Variants in NRG3 observed in about 807,000 individuals in gnomAD.
The protein encoded by NRG3 is pro-neuregulin-3, membrane-bound isoform.
A neutral mutation model predicts 66.9 loss-of-function variants in NRG3; 31 were observed. That is an observed-to-expected ratio of 0.46 (90% CI 0.35 to 0.63). The LOEUF (loss-of-function observed/expected upper bound fraction) is 0.63, where lower values mean the gene tolerates loss of function less well. NRG3 is among the 20% of genes least tolerant of loss of function. The pLI is 0.00. For synonymous variants in NRG3, 393 were observed against 359.4 expected, an observed-to-expected ratio of 1.09 and a Z score of -1.06; for missense variants, 910 against 878.9, an observed-to-expected ratio of 1.04 and a Z score of -0.45.
rs574725279 is a variant in NRG3, at chr10:82,327,615, A to G, written c.824-31124A>G. 1.1e-4 allele frequency among the ~76,000 whole-genome samples: 16 copies of G among 152,254 alleles called. No individual in the cohort carries two copies. In the South Asian group the frequency reaches 2.9e-3, roughly 28 times the overall value. On this transcript the variant is annotated intron_variant, in intron 1 of 8. Coordinates refer to ENST00000372141, the MANE Select transcript of NRG3 (RefSeq NM_001010848.4). ...ATCTCAAAAAAATGATACTGCAGCT[A>G]TGACTGCAAACCAAATGCGATTGCC...
intron 1 of NRG3, among the ~76,000 whole-genome samples, chr10:82,256,471 C>G (rs1040023014): frequency 6.6e-6 from 1 of 152,126 alleles, no homozygotes; most frequent in African/African-American, 2.4e-5. Context: ...TGGATGTTCT[C>G]AAGTTATCTC....
intron 1 of NRG3, among the ~76,000 whole-genome samples, chr10:82,097,521 A>T (rs191131434): frequency 1.3e-5 from 2 of 150,036 alleles, no homozygotes; most frequent in Admixed American, 1.3e-4. Context: ...TATGTTATAT[A>T]TATCTGTGAT....
At chr10:82,640,847 C>A (rs1048771634) in intron 2 of NRG3, among the ~76,000 whole-genome samples, 4 of 152,014 alleles carry the variant, frequency 2.6e-5, no homozygotes, top group Admixed American at 6.6e-5. Context: ...AATAATGCCT[C>A]ATAGGCCTAT....
rs183443188 is a variant in NRG3 at position 82,679,136 on chromosome 10, C to T, written c.954-59441C>T. Among the ~76,000 whole-genome samples, 124 of 152,230 alleles carry T rather than the reference C, an allele frequency of 8.1e-4. 1 individual carries two copies. Among genetic ancestry groups the T allele is most frequent in the Non-Finnish European group, 1.5e-3 (101 of 68,020 alleles). On this transcript the variant is annotated intron_variant, in intron 2 of 8. Coordinates refer to ENST00000372141, the MANE Select transcript of NRG3 (RefSeq NM_001010848.4). ...GAACTGAAAGGACTTGATGAGATGA[C>T]CATTGTGCTGTCTTGTACATAGTAG...
intron 1 of NRG3, among the ~76,000 whole-genome samples, chr10:82,048,728 A>T (rs1258608583): frequency 6.6e-6 from 1 of 151,986 alleles, no homozygotes; most frequent in Non-Finnish European, 1.5e-5. Flanking sequence ...AAGCTAGCAG[A>T]AGGCAAGAAA....
Position 82,956,286 on chromosome 10 carries a change from C to A in NRG3, c.1158-2663C>A, listed in dbSNP as rs114179556. On this transcript the variant is annotated intron_variant, in intron 5 of 8. Coordinates refer to ENST00000372141, the MANE Select transcript of NRG3 (RefSeq NM_001010848.4). ...TGACACTGTTGGGCTAATAGTATTCCCATGTGCAAGGCATGCATCTTTTCT... is the reference window on the plus strand; with the variant it reads ...TGACACTGTTGGGCTAATAGTATTCACATGTGCAAGGCATGCATCTTTTCT... Among the ~76,000 whole-genome samples, 389 of 152,028 alleles carry A rather than the reference C, an allele frequency of 2.6e-3. 6 individuals carry two copies. The highest frequency in any genetic ancestry group is 8.9e-3 in the African/African-American group (367 of 41,340).
At chr10:82,706,975 C>G (rs1466963164) in intron 2 of NRG3, among the ~76,000 whole-genome samples, 5 of 146,744 alleles carry the variant, frequency 3.4e-5, no homozygotes, top group African/African-American at 1.3e-4. Flanking sequence ...GCCTGGGTGA[C>G]AGAGTAAGAC....
At chr10:82,426,880 G>A (rs1261894460) in intron 2 of NRG3, among the ~76,000 whole-genome samples, 2 of 151,888 alleles carry the variant, frequency 1.3e-5, no homozygotes, top group Non-Finnish European at 2.9e-5. Flanking sequence ...CGAACTCCTG[G>A]GTTCAAGCAA....
At position 82,985,722 on chromosome 10, in the gene NRG3, G is replaced by A. The variant is rs923773335; in HGVS notation, c.*117G>A. 4 of 1,088,392 alleles carry A rather than the reference G, an allele frequency of 3.7e-6. No homozygotes were observed. In the African/African-American group the frequency reaches 6.3e-5, roughly 17 times the overall value. The allele number at this position is 1,088,392 out of a possible 1,614,324, so 67.4% of individuals were successfully genotyped here. On this transcript the variant is annotated 3_prime_UTR_variant, in exon 9 of 9. Coordinates refer to ENST00000372141, the MANE Select transcript of NRG3 (RefSeq NM_001010848.4). ...GCATCTACTTAGAAGAAACCAAATA[G>A]TCTATCGCCCTCATATCATAGTGTT...
At chr10:82,090,172 C>T (rs2065943125) in intron 1 of NRG3, among the ~76,000 whole-genome samples, 1 of 152,212 alleles carries the variant, frequency 6.6e-6, no homozygotes, top group African/African-American at 2.4e-5. Flanking sequence ...GTACAGTTCT[C>T]TCCATTTAAT....
chr10:81,982,219 A>G (rs1426912809), intron 1 of NRG3, among the ~76,000 whole-genome samples: 4 of 152,178 alleles, frequency 2.6e-5, no homozygotes, highest in African/African-American at 2.4e-5. Flanking sequence ...ACTTTCCACA[A>G]AACACTGGGA....
In NRG3 at chr10:82,720,810, C is replaced by CATATATATATATATATATATAT. The variant is rs5786567; in HGVS notation, c.954-17756_954-17735dup. ...AACACATATATAGGAGTATTTTATA[C>CATATATATATATATATATATAT]ATATATATATATATATATATATATA... On this transcript the variant is annotated intron_variant, in intron 2 of 8. Transcript: ENST00000372141. Among the ~76,000 whole-genome samples the CATATATATATATATATATATAT allele has an allele frequency of 1.9e-3, 216 of 114,636 alleles. 5 individuals carry two copies. Among genetic ancestry groups the CATATATATATATATATATATAT allele is most frequent in the African/African-American group, 6.1e-3 (140 of 22,796 alleles). The allele number at this position is 114,636 out of a possible 152,430, so 75.2% of individuals were successfully genotyped here.
intron 2 of NRG3, among the ~76,000 whole-genome samples, chr10:82,714,604 G>A (rs924444073): frequency 5.9e-5 from 9 of 152,144 alleles, no homozygotes; most frequent in Non-Finnish European, 8.8e-5. Flanking sequence ...GTATAAAATG[G>A]ATGATACCTT....
intron 1 of NRG3, among the ~76,000 whole-genome samples, chr10:81,982,684 G>A (rs2060375015): frequency 6.6e-6 from 1 of 152,014 alleles, no homozygotes; most frequent in Admixed American, 6.6e-5. Context: ...AGCATCCATG[G>A]CAGTTCTTTT....
rs192658789 is a variant in NRG3 at position 82,715,607 on chromosome 10, T to C, written c.954-22970T>C. Among the ~76,000 whole-genome samples the C allele has an allele frequency of 6.4e-3, 982 of 152,296 alleles. 8 individuals are homozygous for C. The highest frequency in any genetic ancestry group is 0.011 in the Non-Finnish European group (755 of 68,030). On this transcript the variant is annotated intron_variant, in intron 2 of 8. Coordinates refer to ENST00000372141, the MANE Select transcript of NRG3 (RefSeq NM_001010848.4). Reference sequence around the variant, plus strand: ...GTTATAGTGATGAGACATAAGGTAATATATATAAAATGTGTATCAGTGCTA... The same window carrying C: ...GTTATAGTGATGAGACATAAGGTAACATATATAAAATGTGTATCAGTGCTA...
At chr10:82,794,174 A>G (rs1377421244) in intron 3 of NRG3, among the ~76,000 whole-genome samples, 1 of 152,156 alleles carries the variant, frequency 6.6e-6, no homozygotes, top group East Asian at 1.9e-4. Context: ...TGCCTCAGAT[A>G]ATAAATTAAA....
intron 2 of NRG3, among the ~76,000 whole-genome samples, chr10:82,690,644 C>T (rs910547008): frequency 4.6e-5 from 7 of 152,136 alleles, no homozygotes; most frequent in Non-Finnish European, 7.4e-5. Context: ...ATGAAACTGA[C>T]AACATGCCAT....
chr10:82,872,748 G>A (rs1009439401), intron 4 of NRG3, among the ~76,000 whole-genome samples: 1 of 150,908 alleles, frequency 6.6e-6, no homozygotes, highest in African/African-American at 2.4e-5. Flanking sequence ...AAAAAAGAAA[G>A]CAATTGAATG....
intron 2 of NRG3, among the ~76,000 whole-genome samples, chr10:82,437,078 G>A (rs2090179351): frequency 6.6e-6 from 1 of 151,990 alleles, no homozygotes; most frequent in Non-Finnish European, 1.5e-5. Flanking sequence ...TTTTCATGTT[G>A]GCCTGTCTTT....
Sources: allele counts gnomAD v4.1 joint callset (sites outside exome capture counted in the v4.1 genomes callset), GRCh38; gene constraint gnomAD v4.1.1; transcripts MANE v1.5; gene names NCBI Gene and HGNC (gene_info 2026-07-23, HGNC 2026-07-21).